The following CDH7 variants were observed in gnomAD, a reference collection of about 807,000 sequenced individuals.
CDH7 encodes the protein cadherin 7.
A neutral mutation model predicts 71.8 loss-of-function variants in CDH7; 25 were observed. That is an observed-to-expected ratio of 0.35 (90% CI 0.25 to 0.49). CDH7 has a LOEUF of 0.49. CDH7 is among the 20% of genes least tolerant of loss of function. The pLI is 0.99. For missense variants in CDH7, 862 were observed against 974.6 expected (o/e 0.88, Z 1.54); for synonymous variants, 381 against 363.8 (o/e 1.05, Z -0.54).
chr18:65,859,852 G>A (rs1037819702), intron 10 of CDH7, 27 bp downstream of exon 10: 2 of 1,245,624 alleles, frequency 1.6e-6, no homozygotes, highest in Non-Finnish European at 2.4e-6. Context: ...GTTACCGATA[G>A]AGGCAGCAGG....
chr18:65,839,430 T>C (rs1012775489), intron 6 of CDH7, among the ~76,000 whole-genome samples: 1 of 151,970 alleles, frequency 6.6e-6, no homozygotes, highest in African/African-American at 2.4e-5. Context: ...ATACCACTCA[T>C]GAGGGATCCA....
chr18:65,864,118 G>A (rs1388467507), intron 11 of CDH7: 1 of 152,140 alleles, frequency 6.6e-6, no homozygotes, highest in Non-Finnish European at 1.5e-5. Flanking sequence ...ATTTTGCATA[G>A]AACTTTACAC....
intron 2 of CDH7, among the ~76,000 whole-genome samples, chr18:65,787,145 A>C (rs1910544996): frequency 6.6e-6 from 1 of 152,206 alleles, no homozygotes; most frequent in African/African-American, 2.4e-5. Flanking sequence ...TGAAACAGAA[A>C]GTTTTTATGG....
chr18:65,818,637 G>A (rs1335294065), intron 4 of CDH7, among the ~76,000 whole-genome samples: 4 of 152,058 alleles, frequency 2.6e-5, no homozygotes, highest in Non-Finnish European at 5.9e-5. Context: ...TAAGTACTAA[G>A]AATACATATT....
Position 65,762,958 on chromosome 18 carries a change from A to C in CDH7, c.116A>C (p.Gln39Pro). Residue 39 changes from glutamine to proline, a missense_variant, in exon 2 of 12, where the codon CAA becomes CCA. Physicochemically the swap from Gln to Pro is moderately conservative, Grantham distance 76. Transcript: ENST00000397968. ...AGGTCCAGATCAAAGCCCTATTTCC[A>C]ATCAGGGAGGTCCCGGACCAAGCGC... ...LSRSRSKPYF[Q>P]SGRSRTKRSW... The C allele has an allele frequency of 6.2e-7, 1 of 1,613,716 alleles. No homozygotes were observed. The highest frequency in any genetic ancestry group is 8.5e-7 in the Non-Finnish European group (1 of 1,179,856).
Position 65,880,612 on chromosome 18 carries a change from C to G in CDH7, c.2076C>G (p.Phe692Leu). 1 of 1,613,816 alleles carries G rather than the reference C, an allele frequency of 6.2e-7. No individual in the cohort carries two copies. Among genetic ancestry groups the G allele is most frequent in the South Asian group, 1.1e-5 (1 of 91,036 alleles). ...TRRDVTPEIQ[F>L]LSRPAFKSIP... Reference sequence around the variant, plus strand: ...GGGATGTGACTCCAGAAATTCAATTCCTGAGTCGACCAGCTTTTAAAAGCA... The same window carrying G: ...GGGATGTGACTCCAGAAATTCAATTGCTGAGTCGACCAGCTTTTAAAAGCA... Residue 692 changes from phenylalanine (F) to leucine (L), a missense_variant, in exon 12 of 12, where the codon TTC becomes TTG. Physicochemically the swap from Phe to Leu is conservative, Grantham distance 22. Coordinates refer to ENST00000397968, the MANE Select transcript of CDH7 (RefSeq NM_004361.5).
At chr18:65,821,947 A>G (rs1911945344) in intron 4 of CDH7, 134 bp from the exon 5 acceptor site, 12 of 661,404 alleles carry the variant, frequency 1.8e-5, no homozygotes, top group Non-Finnish European at 3.2e-5. Context: ...TTTAATACAC[A>G]GTAAAATTAT....
intron 6 of CDH7, among the ~76,000 whole-genome samples, chr18:65,834,762 G>A (rs999240306): frequency 7.2e-5 from 11 of 152,088 alleles, no homozygotes; most frequent in African/African-American, 2.7e-4. Flanking sequence ...TTCCCATGTC[G>A]AGATCTGACT....
chr18:65,844,174 G>GATTTTTAT (rs71167157), intron 7 of CDH7, 109 bp downstream of exon 7: 1 of 222,150 alleles, frequency 4.5e-6, no homozygotes, highest in African/African-American at 3.1e-5. Flanking sequence ...ATAAAAACCA[G>GATTTTTAT]ATATATATAT....
At chr18:65,835,256 C>G (rs1912493807) in intron 6 of CDH7, among the ~76,000 whole-genome samples, 1 of 152,056 alleles carries the variant, frequency 6.6e-6, no homozygotes, top group South Asian at 2.1e-4. Context: ...CACAGGACAA[C>G]CTAGATTCAG....
At position 65,883,591 on chromosome 18, in the gene CDH7, C is replaced by T. The variant is rs1397378197; in HGVS notation, c.*2697C>T. On this transcript the variant is annotated 3_prime_UTR_variant, in exon 12 of 12. Transcript: ENST00000397968. The stretch of plus-strand genomic sequence containing the variant: ...GCTCACAGGAACTAATTCTTCATAT[C>T]TCTTCCCAACTCCAGGTACAGTGAT... 6.6e-6 allele frequency: 1 copy of T among 152,032 alleles called. No homozygotes were observed. The highest frequency in any genetic ancestry group is 2.4e-5 in the African/African-American group (1 of 41,414). 9.4% of individuals were successfully genotyped at this position (152,032 alleles called of 1,614,324 possible). A position where few individuals can be genotyped will look rare whatever the true frequency, so the allele number is the denominator to read the frequency against.
intron 2 of CDH7, among the ~76,000 whole-genome samples, chr18:65,793,536 A>G (rs1489165374): frequency 6.6e-6 from 1 of 152,168 alleles, no homozygotes; most frequent in African/African-American, 2.4e-5. Context: ...CCTGTAAAAC[A>G]ATATTATCAC....
intron 2 of CDH7, among the ~76,000 whole-genome samples, chr18:65,792,765 G>C (rs1292349541): frequency 6.6e-6 from 1 of 152,068 alleles, no homozygotes; most frequent in African/African-American, 2.4e-5. Flanking sequence ...GATTCTGTTA[G>C]GCCTGCAAGA....
rs550484843 is a variant in CDH7 at position 65,845,427 on chromosome 18, G to A, written c.1235+1362G>A. 9.2e-5 allele frequency among the ~76,000 whole-genome samples: 14 copies of A among 152,114 alleles called. No individual in the cohort carries two copies. In the East Asian group the frequency reaches 2.5e-3, roughly 27 times the overall value. On this transcript the variant is annotated intron_variant, in intron 7 of 11. Coordinates refer to ENST00000397968, the MANE Select transcript of CDH7 (RefSeq NM_004361.5). ...TTATGAATCACAAATATAGCAGATAGAATAAGCCTTCCCCTCTTCTCTGTA... is the reference window on the plus strand; with the variant it reads ...TTATGAATCACAAATATAGCAGATAAAATAAGCCTTCCCCTCTTCTCTGTA...
At chr18:65,789,418 A>G (rs187938995) in intron 2 of CDH7, among the ~76,000 whole-genome samples, 5 of 152,306 alleles carry the variant, frequency 3.3e-5, no homozygotes, top group African/African-American at 4.8e-5. Flanking sequence ...AAACCAAGAC[A>G]ACCAGCAACA....
intron 4 of CDH7, among the ~76,000 whole-genome samples, chr18:65,821,076 A>G (rs1277154208): frequency 2.6e-5 from 4 of 152,182 alleles, no homozygotes. Context: ...TCAATTTTTA[A>G]AAATGGGGTT....
rs150849784 is a variant in CDH7 at position 65,776,498 on chromosome 18, A to T, written c.210+13446A>T. On this transcript the variant is annotated intron_variant, in intron 2 of 11. Coordinates refer to ENST00000397968, the MANE Select transcript of CDH7 (RefSeq NM_004361.5). ...ATCCTGAAAGCTAATGAAATCCTTG[A>T]GAGTTTCCCAGGAGGCAAGAGATTC... 2.6e-3 allele frequency among the ~76,000 whole-genome samples: 403 copies of T among 152,174 alleles called. 4 individuals are homozygous for T. The highest frequency in any genetic ancestry group is 9.3e-3 in the African/African-American group (388 of 41,538).
At chr18:65,796,133 T>C (rs1447448081) in intron 2 of CDH7, among the ~76,000 whole-genome samples, 2 of 152,236 alleles carry the variant, frequency 1.3e-5, no homozygotes, top group Non-Finnish European at 2.9e-5. Context: ...ATTTTGTGTA[T>C]GTTATTGACA....
At chr18:65,864,614 A>C (rs904316548) in intron 11 of CDH7, among the ~76,000 whole-genome samples, 3 of 151,932 alleles carry the variant, frequency 2.0e-5, no homozygotes, top group Non-Finnish European at 2.9e-5. Context: ...GTGGGCCAGG[A>C]GCAGTGGCTC....
Sources: allele counts gnomAD v4.1 joint callset (sites outside exome capture counted in the v4.1 genomes callset), GRCh38; gene constraint gnomAD v4.1.1; transcripts MANE v1.5; gene names NCBI Gene and HGNC (gene_info 2026-07-23, HGNC 2026-07-21).